Variants in MEMO1 observed in about 807,000 individuals in gnomAD.
MEMO1 encodes the protein mediator of cell motility 1, also known as protein MEMO1.
MEMO1 carries 6 observed loss-of-function variants against 45.2 expected under a neutral mutation model. That is an observed-to-expected ratio of 0.13 (90% CI 0.07 to 0.26). MEMO1 has a LOEUF of 0.26. Among genes scored for constraint, MEMO1 ranks in the 10% least tolerant of loss-of-function variants. The probability of loss-of-function intolerance (pLI) is 1.00; values close to 1 mark genes in which losing one functional copy is unlikely to be tolerated. For synonymous variants in MEMO1, 78 were observed against 124.3 expected (o/e 0.63, Z 2.48); for missense variants, 184 against 370.5 (o/e 0.50, Z 4.13).
intron 2 of MEMO1, among the ~76,000 whole-genome samples, chr2:31,984,491 C>T (rs887463243): frequency 3.9e-5 from 6 of 152,136 alleles, no homozygotes; most frequent in African/African-American, 1.4e-4. Flanking sequence ...ATGTGGTAAC[C>T]TGGATAAGAT....
At chr2:31,982,491 G>A (rs1670761706) in intron 2 of MEMO1, among the ~76,000 whole-genome samples, 1 of 151,384 alleles carries the variant, frequency 6.6e-6, no homozygotes, top group Non-Finnish European at 1.5e-5. Flanking sequence ...TCGGGAGGCT[G>A]GGGCAGGAGA....
chr2:31,898,119 G>T (rs1678162059), intron 6 of MEMO1, among the ~76,000 whole-genome samples: 1 of 151,618 alleles, frequency 6.6e-6, no homozygotes, highest in South Asian at 2.1e-4. Context: ...TTCTTTATTA[G>T]TCTGGCTAGT....
intron 3 of MEMO1, among the ~76,000 whole-genome samples, chr2:31,932,654 T>C (rs1472096296): frequency 6.6e-6 from 1 of 152,108 alleles, no homozygotes; most frequent in Non-Finnish European, 1.5e-5. Flanking sequence ...AGGCTGGTCT[T>C]GAACTCCTGG....
intron 8 of MEMO1, among the ~76,000 whole-genome samples, chr2:31,876,284 C>T (rs1357063742): frequency 6.6e-6 from 1 of 152,090 alleles, no homozygotes; most frequent in Admixed American, 6.6e-5. Flanking sequence ...ATGCTCTTCC[C>T]GCTGATCTTT....
rs35956056 is a variant in MEMO1, at chr2:31,962,016, TA to T, written c.62-18634del. Among the ~76,000 whole-genome samples the T allele has an allele frequency of 1.3e-3, 186 of 146,896 alleles. 1 individual carries two copies. The highest frequency in any genetic ancestry group is 3.9e-3 in the African/African-American group (157 of 40,286). ...ATCTGGCCCTCTGTTTCCTTTTCTG[TA>T]AAAAAAAAAATGAAGAGGATAAACT... On this transcript the variant is annotated intron_variant, in intron 2 of 9. Coordinates refer to ENST00000404530, the MANE Select transcript of MEMO1 (RefSeq NM_001301833.4).
Position 31,972,967 on chromosome 2 carries a change from C to T in MEMO1, c.62-29584G>A, listed in dbSNP as rs143527179. 5.3e-5 allele frequency among the ~76,000 whole-genome samples: 8 copies of T among 152,242 alleles called. No individual in the cohort carries two copies. In the East Asian group the frequency reaches 1.5e-3, roughly 29 times the overall value. On this transcript the variant is annotated intron_variant, in intron 2 of 9. Coordinates refer to ENST00000404530, the MANE Select transcript of MEMO1 (RefSeq NM_001301833.4). Reference sequence around the variant, plus strand: ...AACCACAATGAGCTACCACTTCATACCTACTAGGATGGCTATTTTTAAAAA... The same window carrying T: ...AACCACAATGAGCTACCACTTCATATCTACTAGGATGGCTATTTTTAAAAA...
In MEMO1 at chr2:31,879,481, C is replaced by T. The variant is rs555043366; in HGVS notation, c.657+3905G>A. Among the ~76,000 whole-genome samples the T allele has an allele frequency of 2.2e-4, 33 of 152,144 alleles. 1 individual carries two copies. Among genetic ancestry groups the T allele is most frequent in the Non-Finnish European group, 4.1e-4 (28 of 68,016 alleles). The stretch of plus-strand genomic sequence containing the variant: ...TTTCTTCCCATCCACTCCTCATACA[C>T]CAATAATTTCAAAATGTTTATCTCC... On this transcript the variant is annotated intron_variant, in intron 8 of 9. Coordinates refer to ENST00000404530, the MANE Select transcript of MEMO1 (RefSeq NM_001301833.4).
At chr2:32,001,225 G>C (rs1010320640) in intron 2 of MEMO1, among the ~76,000 whole-genome samples, 1 of 151,592 alleles carries the variant, frequency 6.6e-6, no homozygotes, top group African/African-American at 2.4e-5. Flanking sequence ...ATTTTTAGTA[G>C]AGACGGGGTT....
At chr2:31,964,937 G>C (rs1177646571) in intron 2 of MEMO1, among the ~76,000 whole-genome samples, 1 of 152,002 alleles carries the variant, frequency 6.6e-6, no homozygotes, top group Non-Finnish European at 1.5e-5. Context: ...GGTGAGGCTG[G>C]GTGCAGCGGC....
chr2:31,986,396 C>T (rs1272488075), intron 2 of MEMO1, among the ~76,000 whole-genome samples: 6 of 152,010 alleles, frequency 3.9e-5, no homozygotes, highest in African/African-American at 1.4e-4. Context: ...GGCATGAACC[C>T]GGAAGGCGGA....
At chr2:31,979,059 G>A (rs1246133819) in intron 2 of MEMO1, among the ~76,000 whole-genome samples, 1 of 152,132 alleles carries the variant, frequency 6.6e-6, no homozygotes, top group African/African-American at 2.4e-5. Flanking sequence ...TTGACTCACA[G>A]GTCCACATGG....
chr2:32,003,373 A>G (rs1218852081), intron 2 of MEMO1, among the ~76,000 whole-genome samples: 2 of 152,244 alleles, frequency 1.3e-5, no homozygotes, highest in Non-Finnish European at 2.9e-5. Flanking sequence ...AGCCGTGATT[A>G]TAAGATGTAC....
chr2:31,872,128 A>C (rs997600084), intron 8 of MEMO1, among the ~76,000 whole-genome samples: 2 of 152,138 alleles, frequency 1.3e-5, no homozygotes, highest in African/African-American at 4.8e-5. Flanking sequence ...GGATTGTAGT[A>C]ATGCAGAGAT....
chr2:31,949,480 T>C (rs2148350546), intron 2 of MEMO1, among the ~76,000 whole-genome samples: 1 of 151,810 alleles, frequency 6.6e-6, no homozygotes, highest in Non-Finnish European at 1.5e-5. Context: ...TTATGTTAAG[T>C]GAAATAAGCC....
intron 3 of MEMO1, among the ~76,000 whole-genome samples, chr2:31,940,907 C>A (rs899984719): frequency 6.6e-6 from 1 of 152,152 alleles, no homozygotes; most frequent in African/African-American, 2.4e-5. Flanking sequence ...TACACTACTT[C>A]TCATCATCTC....
intron 7 of MEMO1, 38 bp downstream of exon 7, chr2:31,891,954 A>T (rs373211643): frequency 6.4e-7 from 1 of 1,572,986 alleles, no homozygotes; most frequent in Non-Finnish European, 8.7e-7. Flanking sequence ...CCAGAAGTAT[A>T]TAACATCTAC....
chr2:31,892,271 T>A, intron 6 of MEMO1, 137 bp from the exon 7 acceptor site: 1 of 729,762 alleles, frequency 1.4e-6, no homozygotes, highest in Non-Finnish European at 2.2e-6. Context: ...GATGAATTCT[T>A]AAAATCCATA....
rs998377223 is a variant in MEMO1, at chr2:31,913,157, C to T, written c.437+4769G>A. ...GCAGGTGCCTGTAATCCCAACTACT[C>T]GGGAGGCTGAGGCAGGAGAATCACT... On this transcript the variant is annotated intron_variant, in intron 6 of 9. Transcript: ENST00000404530. Among the ~76,000 whole-genome samples the T allele has an allele frequency of 2.1e-5, 3 of 143,808 alleles. No individual in the cohort carries two copies. In the Admixed American group the frequency reaches 2.2e-4, roughly 11 times the overall value. 94.3% of individuals were successfully genotyped at this position (143,808 alleles called of 152,430 possible).
In MEMO1 at chr2:31,998,799, C is replaced by CA. The variant is rs1186000366; in HGVS notation, c.61+11387dup. On this transcript the variant is annotated intron_variant, in intron 2 of 9. Transcript: ENST00000404530. ...CAGGAGACAATGTGAGACTCCGTCT[C>CA]AAAAAAAAAAAAAAGAAAAAATCAT... Among the ~76,000 whole-genome samples, 394 of 105,588 alleles carry CA rather than the reference C, an allele frequency of 3.7e-3. 1 individual carries two copies. Among genetic ancestry groups the CA allele is most frequent in the African/African-American group, 7.5e-3 (212 of 28,432 alleles). The allele number at this position is 105,588 out of a possible 152,430, so 69.3% of individuals were successfully genotyped here. A position where few individuals can be genotyped will look rare whatever the true frequency, so the allele number is the denominator to read the frequency against.
Sources: allele counts gnomAD v4.1 joint callset (sites outside exome capture counted in the v4.1 genomes callset), GRCh38; gene constraint gnomAD v4.1.1; transcripts MANE v1.5; gene names NCBI Gene and HGNC (gene_info 2026-07-23, HGNC 2026-07-21).